The following SHISA9 variants were observed in gnomAD, a reference collection of about 807,000 sequenced individuals.
The protein encoded by SHISA9 is shisa family member 9.
SHISA9 carries 13 observed loss-of-function variants against 38.0 expected under a neutral mutation model. That is an observed-to-expected ratio of 0.34 (90% CI 0.22 to 0.54). SHISA9 has a LOEUF of 0.54. Among genes scored for constraint, SHISA9 ranks in the 20% least tolerant of loss-of-function variants. The probability of loss-of-function intolerance (pLI) is 0.91; values close to 1 mark genes in which losing one functional copy is unlikely to be tolerated. For synonymous variants in SHISA9, 275 were observed against 242.0 expected, an observed-to-expected ratio of 1.14 and a Z score of -1.27; for missense variants, 538 against 575.8, an observed-to-expected ratio of 0.93 and a Z score of 0.67.
chr16:13,555,852 G>C, the SHISA9 span, among the ~76,000 whole-genome samples: 2 of 152,190 alleles, frequency 1.3e-5, no homozygotes, highest in Non-Finnish European at 2.9e-5. Flanking sequence ...CCACAGTGCA[G>C]TTTGGCCTGG....
chr16:13,098,003 C>T (rs913419276), intron 2 of SHISA9, among the ~76,000 whole-genome samples: 3 of 152,150 alleles, frequency 2.0e-5, no homozygotes, highest in African/African-American at 4.8e-5. Flanking sequence ...ACCACTGTGT[C>T]GGGTGCTTTA....
intron 2 of SHISA9, among the ~76,000 whole-genome samples, chr16:13,015,825 C>G: frequency 7.4e-6 from 1 of 135,004 alleles, no homozygotes; most frequent in Middle Eastern, 3.9e-3. Flanking sequence ...TTGTTTGTTT[C>G]TCTCTCTCTC....
At chr16:12,906,787 G>A (rs936760067) in intron 1 of SHISA9, among the ~76,000 whole-genome samples, 31 of 152,206 alleles carry the variant, frequency 2.0e-4, no homozygotes, top group Admixed American at 8.5e-4. Context: ...AGAATCCTGC[G>A]TTGTACGGGG....
At chr16:13,396,218 A>G in the SHISA9 span, among the ~76,000 whole-genome samples, 19 of 152,292 alleles carry the variant, frequency 1.2e-4, no homozygotes, top group African/African-American at 4.6e-4. Flanking sequence ...CACAAACTAA[A>G]TCAATCGGCC....
the SHISA9 span, among the ~76,000 whole-genome samples, chr16:13,281,963 A>G: frequency 0.089 from 13,502 of 151,840 alleles, 649 homozygotes; most frequent in South Asian, 0.18. Context: ...ACTTCATTTT[A>G]CAATGTTATT....
the SHISA9 span, among the ~76,000 whole-genome samples, chr16:13,280,667 AT>A: frequency 2.0e-5 from 3 of 151,816 alleles, no homozygotes; most frequent in African/African-American, 7.2e-5. Flanking sequence ...ACCTAATAAG[AT>A]TTCAGTTGTT....
the SHISA9 span, among the ~76,000 whole-genome samples, chr16:13,365,695 G>A: frequency 6.6e-6 from 1 of 152,116 alleles, no homozygotes; most frequent in Non-Finnish European, 1.5e-5. Context: ...CTGACCTCAA[G>A]TGATCCGCCT....
chr16:13,553,848 G>C, the SHISA9 span, among the ~76,000 whole-genome samples: 4 of 152,254 alleles, frequency 2.6e-5, no homozygotes, highest in African/African-American at 9.6e-5. Flanking sequence ...TACAGGGGCT[G>C]CATAAAATCT....
intron 2 of SHISA9, among the ~76,000 whole-genome samples, chr16:12,956,960 T>C (rs2071844219): frequency 6.6e-6 from 1 of 152,218 alleles, no homozygotes; most frequent in South Asian, 2.1e-4. Flanking sequence ...GTATATATAT[T>C]CATCACCAAA....
At chr16:13,387,838 A>G in the SHISA9 span, among the ~76,000 whole-genome samples, 2 of 152,058 alleles carry the variant, frequency 1.3e-5, no homozygotes, top group Non-Finnish European at 2.9e-5. Context: ...CTCGCTAACT[A>G]TGGTCCGTTA....
chr16:12,916,540 A>G, intron 1 of SHISA9, 148 bp from the exon 2 acceptor site: 3 of 898,734 alleles, frequency 3.3e-6, no homozygotes, highest in Non-Finnish European at 4.9e-6. Flanking sequence ...TTATTTACTT[A>G]CGTTTTTCTC....
the SHISA9 span, among the ~76,000 whole-genome samples, chr16:13,383,541 T>TA: frequency 1.3e-5 from 2 of 152,116 alleles, no homozygotes; most frequent in Non-Finnish European, 2.9e-5. Context: ...AAACTGGCAA[T>TA]AGTGATGTCC....
chr16:13,218,555 C>T (rs2051192818), intron 4 of SHISA9, among the ~76,000 whole-genome samples: 1 of 152,188 alleles, frequency 6.6e-6, no homozygotes, highest in Admixed American at 6.5e-5. Flanking sequence ...TCTTGCTCTG[C>T]CACTTATTGG....
At chr16:13,225,438 C>T (rs147218005) in intron 4 of SHISA9, among the ~76,000 whole-genome samples, 1 of 152,166 alleles carries the variant, frequency 6.6e-6, no homozygotes, top group African/African-American at 2.4e-5. Flanking sequence ...CCACGTCAAA[C>T]AGACCTCAGG....
chr16:13,148,167 C>G (rs187161872), intron 2 of SHISA9, among the ~76,000 whole-genome samples: 3 of 152,118 alleles, frequency 2.0e-5, no homozygotes, highest in Admixed American at 1.3e-4. Flanking sequence ...GTGCCCTTCC[C>G]GTACTTCTGG....
the SHISA9 span, among the ~76,000 whole-genome samples, chr16:13,459,225 G>A: frequency 1.3e-5 from 2 of 152,146 alleles, no homozygotes; most frequent in African/African-American, 2.4e-5. Context: ...TGTAGGATGT[G>A]CCCGTACCTT....
intron 2 of SHISA9, among the ~76,000 whole-genome samples, chr16:12,954,579 T>G (rs547142905): frequency 6.6e-6 from 1 of 152,316 alleles, no homozygotes; most frequent in African/African-American, 2.4e-5. Flanking sequence ...TCCTTGGTTC[T>G]TAGACATTTT....
chr16:13,370,477 C>G, the SHISA9 span, among the ~76,000 whole-genome samples: 7 of 152,116 alleles, frequency 4.6e-5, no homozygotes, highest in Non-Finnish European at 8.8e-5. Flanking sequence ...AAGAAAGTTC[C>G]GTTAAGAAGG....
intron 2 of SHISA9, among the ~76,000 whole-genome samples, chr16:12,935,306 A>G (rs1012921358): frequency 6.6e-6 from 1 of 152,216 alleles, no homozygotes; most frequent in African/African-American, 2.4e-5. Context: ...GCATTTATGT[A>G]TATCTTGGTA....
Sources: allele counts gnomAD v4.1 joint callset (sites outside exome capture counted in the v4.1 genomes callset), GRCh38; gene constraint gnomAD v4.1.1; transcripts MANE v1.5; gene names NCBI Gene and HGNC (gene_info 2026-07-23, HGNC 2026-07-21).